LRRFIP2: variants seen among roughly 807,000 people sequenced by gnomAD.
LRRFIP2 encodes leucine-rich repeat flightless-interacting protein 2.
LRRFIP2 carries 109 observed loss-of-function variants against 125.9 expected under a neutral mutation model. That is an observed-to-expected ratio of 0.87 (90% CI 0.74 to 1.01). The LOEUF (loss-of-function observed/expected upper bound fraction) is 1.01, where lower values mean the gene tolerates loss of function less well. Among genes scored for constraint, LRRFIP2 ranks in the 50% least tolerant of loss-of-function variants. LRRFIP2 has a pLI of 0.00. For missense variants in LRRFIP2, 850 were observed against 862.3 expected, an observed-to-expected ratio of 0.99 and a Z score of 0.18; for synonymous variants, 291 against 293.1, an observed-to-expected ratio of 0.99 and a Z score of 0.07.
intron 13 of LRRFIP2, among the ~76,000 whole-genome samples, chr3:37,106,312 TGGA>T (rs2094321857): frequency 6.6e-6 from 1 of 152,208 alleles, no homozygotes; most frequent in Admixed American, 6.5e-5. Context: ...ATGCAGCTAG[TGGA>T]GATGTTGCTA....
intron 1 of LRRFIP2, among the ~76,000 whole-genome samples, chr3:37,167,729 A>T (rs2096529313): frequency 6.6e-6 from 1 of 152,066 alleles, no homozygotes. Context: ...CACACCTGTA[A>T]TCCCAGCACT....
chr3:37,143,406 AG>A, intron 2 of LRRFIP2: 1 of 163,640 alleles, frequency 6.1e-6, no homozygotes, highest in Non-Finnish European at 1.4e-5. Flanking sequence ...GTCAGGGGAC[AG>A]GGGAGAGAAG....
chr3:37,087,331 G>A (rs1347803182), intron 18 of LRRFIP2, among the ~76,000 whole-genome samples: 1 of 152,090 alleles, frequency 6.6e-6, no homozygotes. Context: ...ATCCATCTGA[G>A]AGGCTAATAG....
In LRRFIP2 at chr3:37,065,260, G is replaced by A. The variant is rs146601511; in HGVS notation, c.1699+550C>T. Reference sequence around the variant, plus strand: ...CAACTTTGTGGTTTCCTGGAGAGAGGTGTCAGATTCTCAAAGGGTTAAATT... The same window carrying A: ...CAACTTTGTGGTTTCCTGGAGAGAGATGTCAGATTCTCAAAGGGTTAAATT... On this transcript the variant is annotated intron_variant, in intron 23 of 27. Coordinates refer to ENST00000336686, the MANE Select transcript of LRRFIP2 (RefSeq NM_006309.4). The A allele has an allele frequency of 4.5e-3, 919 of 203,462 alleles. 7 individuals are homozygous for A. The highest frequency in any genetic ancestry group is 0.033 in the Middle Eastern group (14 of 430). 12.6% of individuals were successfully genotyped at this position (203,462 alleles called of 1,614,324 possible).
chr3:37,148,836 G>C, intron 2 of LRRFIP2, 58 bp downstream of exon 2: 1 of 1,591,034 alleles, frequency 6.3e-7, no homozygotes, highest in Admixed American at 1.7e-5. Flanking sequence ...CTGTCAAATC[G>C]GCATTTTTAC....
chr3:37,174,334 AT>A (rs1192510541), intron 1 of LRRFIP2: 3 of 152,360 alleles, frequency 2.0e-5, no homozygotes, highest in East Asian at 3.9e-4. Context: ...AGCAAATTAC[AT>A]TTCAGCAATA....
In LRRFIP2 at chr3:37,073,135, G is replaced by A. The variant is rs73824621; in HGVS notation, c.1372-253C>T. 5.3e-3 allele frequency among the ~76,000 whole-genome samples: 802 copies of A among 152,338 alleles called. 7 individuals carry two copies. Among genetic ancestry groups the A allele is most frequent in the African/African-American group, 0.018 (742 of 41,566 alleles). ...GAATAATTGTTCCAACCACAGCTAC[G>A]TGGCAGCAAGCCAGCTAGAATTTCT... On this transcript the variant is annotated intron_variant, in intron 20 of 27. Coordinates refer to ENST00000336686, the MANE Select transcript of LRRFIP2 (RefSeq NM_006309.4).
chr3:37,077,427 C>T (rs768358843), intron 19 of LRRFIP2, among the ~76,000 whole-genome samples: 6 of 152,050 alleles, frequency 3.9e-5, no homozygotes, highest in Non-Finnish European at 5.9e-5. Context: ...TTTATATTAA[C>T]AATATGCTAC....
In LRRFIP2 at chr3:37,066,111, A is replaced by C. The variant is rs901228600; in HGVS notation, c.1566+113T>G. On this transcript the variant is annotated intron_variant, in intron 22 of 27. Coordinates refer to ENST00000336686, the MANE Select transcript of LRRFIP2 (RefSeq NM_006309.4). ...AGCTTCAACCTACCAAATCTGGATT[A>C]GAGAATAAACACTGTAGTTTGTATT... 3.8e-6 allele frequency: 5 copies of C among 1,309,470 alleles called. No individual in the cohort carries two copies. In the East Asian group the frequency reaches 6.9e-5, roughly 18 times the overall value. The allele number at this position is 1,309,470 out of a possible 1,614,324, so 81.1% of individuals were successfully genotyped here.
chr3:37,165,032 G>A lies in LRRFIP2; in HGVS notation c.-56+9507C>T, dbSNP rs1443095769. ...TGGCAGATCACGAGGTCGGGAGATCGAGACCATCCTGGCTAACATGGTGAA... is the reference window on the plus strand; with the variant it reads ...TGGCAGATCACGAGGTCGGGAGATCAAGACCATCCTGGCTAACATGGTGAA... On this transcript the variant is annotated intron_variant, in intron 1 of 27. Coordinates refer to ENST00000336686, the MANE Select transcript of LRRFIP2 (RefSeq NM_006309.4). Among the ~76,000 whole-genome samples the A allele has an allele frequency of 2.0e-5, 3 of 151,682 alleles. No homozygotes were observed. The East Asian group carries it at 5.9e-4, about 30-fold the overall frequency.
chr3:37,163,595 T>C (rs748981694), intron 1 of LRRFIP2, among the ~76,000 whole-genome samples: 1 of 152,230 alleles, frequency 6.6e-6, no homozygotes, highest in Non-Finnish European at 1.5e-5. Flanking sequence ...CTGTCACTGC[T>C]TTTCAACTCA....
chr3:37,152,162 C>T (rs554642044), intron 1 of LRRFIP2, among the ~76,000 whole-genome samples: 4 of 152,162 alleles, frequency 2.6e-5, no homozygotes, highest in Non-Finnish European at 5.9e-5. Context: ...ATGTCTCTTG[C>T]AGTGACTTGG....
At chr3:37,163,524 C>T (rs6786857) in intron 1 of LRRFIP2, among the ~76,000 whole-genome samples, 63,107 of 151,978 alleles carry the variant, frequency 0.42, 13,680 homozygotes, top group Non-Finnish European at 0.46. Context: ...CAGTGGGTGG[C>T]AGAATCACTA....
chr3:37,111,087 A>T, intron 8 of LRRFIP2, 22 bp from the exon 9 acceptor site: 2 of 1,602,138 alleles, frequency 1.2e-6, no homozygotes, highest in Non-Finnish European at 1.7e-6. Flanking sequence ...AAAATTAAAC[A>T]CATTTTTCTT....
intron 1 of LRRFIP2, among the ~76,000 whole-genome samples, chr3:37,171,957 T>C (rs1297357222): frequency 6.6e-6 from 1 of 152,204 alleles, no homozygotes; most frequent in Non-Finnish European, 1.5e-5. Flanking sequence ...ATAAAATTAA[T>C]CACCTGACAC....
At chr3:37,057,813 C>G (rs1008270334) in intron 25 of LRRFIP2, among the ~76,000 whole-genome samples, 3 of 152,196 alleles carry the variant, frequency 2.0e-5, no homozygotes, top group African/African-American at 7.2e-5. Flanking sequence ...TACACATAAT[C>G]ACTAACAAAG....
chr3:37,129,509 T>C (rs577335686), intron 2 of LRRFIP2, among the ~76,000 whole-genome samples: 5 of 152,324 alleles, frequency 3.3e-5, no homozygotes, highest in Non-Finnish European at 5.9e-5. Context: ...CTCTCTTTCA[T>C]TTTGGACACT....
In LRRFIP2 at chr3:37,072,814, A is replaced by C; in HGVS notation, c.1440T>G (p.Leu480=). 1 of 1,613,100 alleles carries C rather than the reference A, an allele frequency of 6.2e-7. No homozygotes were observed. The highest frequency in any genetic ancestry group is 8.5e-7 in the Non-Finnish European group (1 of 1,179,386). The change falls in exon 21 of 28, where the codon CTT becomes CTG. Residue 480 remains leucine (L), a synonymous_variant. Coordinates refer to ENST00000336686, the MANE Select transcript of LRRFIP2 (RefSeq NM_006309.4). The part of the protein sequence containing the change: ...TKEVFDLQET[L]LWKDKKIGAL... ...CCCCAATTTTTTTATCTTTCCAAAG[A>C]AGTGTCTCCTGGAGGTCAAACACCT...
intron 2 of LRRFIP2, among the ~76,000 whole-genome samples, chr3:37,136,830 T>A (rs544190850): frequency 6.6e-6 from 1 of 152,240 alleles, no homozygotes; most frequent in South Asian, 2.1e-4. Flanking sequence ...TCTTGATACT[T>A]ATAAAATTAA....
Sources: allele counts gnomAD v4.1 joint callset (sites outside exome capture counted in the v4.1 genomes callset), GRCh38; gene constraint gnomAD v4.1.1; transcripts MANE v1.5; gene names NCBI Gene and HGNC (gene_info 2026-07-23, HGNC 2026-07-21).